The following AUTS2 variants were observed in gnomAD, a reference collection of about 807,000 sequenced individuals.
The protein encoded by AUTS2 is activator of transcription and developmental regulator AUTS2, also known as autism susceptibility gene 2 protein.
Under a neutral mutation model 112.4 loss-of-function variants are expected in AUTS2, and 17 were observed. The ratio of observed to expected loss-of-function variants is 0.15; its 90% CI spans 0.10 to 0.23. AUTS2 has a LOEUF of 0.23. Ranked by LOEUF, AUTS2 falls within the 10% of genes least tolerant of loss-of-function variation. The pLI, the probability that AUTS2 is intolerant of heterozygous loss-of-function variation, is 1.00. For missense variants in AUTS2, 1,510 were observed against 1,701.6 expected, an observed-to-expected ratio of 0.89 and a Z score of 1.98; for synonymous variants, 751 against 702.7, an observed-to-expected ratio of 1.07 and a Z score of -1.09.
intron 2 of AUTS2, among the ~76,000 whole-genome samples, chr7:70,007,494 G>A (rs1799598123): frequency 6.6e-6 from 1 of 152,056 alleles, no homozygotes; most frequent in Admixed American, 6.6e-5. Flanking sequence ...GAATGGATCT[G>A]GTGGTAGTAG....
At chr7:70,518,168 C>T (rs1163765762) in intron 5 of AUTS2, among the ~76,000 whole-genome samples, 2 of 152,178 alleles carry the variant, frequency 1.3e-5, no homozygotes, top group Non-Finnish European at 1.5e-5. Context: ...CATTCTTATG[C>T]TGAAAGCTAG....
chr7:69,782,558 CT>C (rs1789188330), intron 1 of AUTS2, among the ~76,000 whole-genome samples: 1 of 151,762 alleles, frequency 6.6e-6, no homozygotes, highest in South Asian at 2.1e-4. Flanking sequence ...TCCCAGAGAC[CT>C]TTTTCCCAGC....
At chr7:70,629,630 CT>C (rs1280953461) in intron 5 of AUTS2, among the ~76,000 whole-genome samples, 1 of 152,032 alleles carries the variant, frequency 6.6e-6, no homozygotes, top group Non-Finnish European at 1.5e-5. Context: ...CAGCTGGTGA[CT>C]GACGGAGCCC....
At chr7:70,184,666 G>A (rs539080478) in intron 4 of AUTS2, among the ~76,000 whole-genome samples, 94 of 152,132 alleles carry the variant, frequency 6.2e-4, no homozygotes, top group Non-Finnish European at 9.3e-4. Context: ...GGCTTCTTCA[G>A]CTCTCTCTTT....
chr7:70,431,620 A>G (rs1418474017), intron 4 of AUTS2, among the ~76,000 whole-genome samples: 1 of 152,028 alleles, frequency 6.6e-6, no homozygotes, highest in Non-Finnish European at 1.5e-5. Flanking sequence ...TCCTGACCTC[A>G]TGATCCACCC....
At chr7:70,049,177 T>C (rs908465246) in intron 2 of AUTS2, among the ~76,000 whole-genome samples, 11 of 152,206 alleles carry the variant, frequency 7.2e-5, no homozygotes, top group African/African-American at 2.2e-4. Flanking sequence ...GTTGGACTTA[T>C]AGGCTGACTT....
At chr7:70,438,387 T>G (rs1297007300) in intron 5 of AUTS2, among the ~76,000 whole-genome samples, 3 of 152,168 alleles carry the variant, frequency 2.0e-5, no homozygotes, top group Non-Finnish European at 4.4e-5. Flanking sequence ...CTCAGATTCA[T>G]GGCGCACCTC....
At chr7:70,660,678 C>G (rs776115472) in intron 5 of AUTS2, among the ~76,000 whole-genome samples, 1 of 152,194 alleles carries the variant, frequency 6.6e-6, no homozygotes, top group Non-Finnish European at 1.5e-5. Flanking sequence ...ACATTATGTG[C>G]ATCCTGTCGT....
intron 1 of AUTS2, among the ~76,000 whole-genome samples, chr7:69,794,690 G>T (rs970274946): frequency 6.6e-6 from 1 of 151,800 alleles, no homozygotes; most frequent in Admixed American, 6.6e-5. Context: ...ACCAATAAAG[G>T]TAAAGCCACT....
At chr7:69,935,177 A>AT (rs1403769725) in intron 2 of AUTS2, among the ~76,000 whole-genome samples, 25 of 128,412 alleles carry the variant, frequency 1.9e-4, no homozygotes, top group African/African-American at 6.5e-4. Context: ...GACTCTGGGA[A>AT]AAAAGGACGG....
intron 4 of AUTS2, among the ~76,000 whole-genome samples, chr7:70,358,346 T>C (rs1183429955): frequency 6.6e-6 from 1 of 152,230 alleles, no homozygotes; most frequent in Non-Finnish European, 1.5e-5. Flanking sequence ...CGCCTAACAT[T>C]TGCAAGGCAA....
chr7:69,758,260 A>G (rs1788025090), intron 1 of AUTS2, among the ~76,000 whole-genome samples: 1 of 152,208 alleles, frequency 6.6e-6, no homozygotes, highest in African/African-American at 2.4e-5. Context: ...CATATACACA[A>G]GGTTGACCTC....
At chr7:70,763,564 A>G (rs1445404318) in intron 7 of AUTS2, among the ~76,000 whole-genome samples, 1 of 152,074 alleles carries the variant, frequency 6.6e-6, no homozygotes, top group Non-Finnish European at 1.5e-5. Flanking sequence ...GTAAAGAAGT[A>G]AAATATTTAT....
rs10684331 is a variant in AUTS2, at chr7:69,729,994, A to ATTTTTTTTTTT, written c.309+130047_309+130057dup. On this transcript the variant is annotated intron_variant, in intron 1 of 18. Coordinates refer to ENST00000342771, the MANE Select transcript of AUTS2 (RefSeq NM_015570.4). Reference sequence around the variant, plus strand: ...GTTTTTTTTTGTTGTTGTTGTTTTAATTTTTTTTTTTTTTTTTTTTTTTTT... The same window carrying ATTTTTTTTTTT: ...GTTTTTTTTTGTTGTTGTTGTTTTAATTTTTTTTTTTTTTTTTTTTTTTTTTTTTTTTTTTT... 1.5e-3 allele frequency among the ~76,000 whole-genome samples: 84 copies of ATTTTTTTTTTT among 56,752 alleles called. 2 individuals are homozygous for ATTTTTTTTTTT. The highest frequency in any genetic ancestry group is 4.1e-3 in the African/African-American group (49 of 11,878). 37.2% of individuals were successfully genotyped at this position (56,752 alleles called of 152,430 possible). A position where few individuals can be genotyped will look rare whatever the true frequency, so the allele number is the denominator to read the frequency against.
intron 2 of AUTS2, among the ~76,000 whole-genome samples, chr7:70,024,277 T>C (rs1486396914): frequency 1.3e-5 from 2 of 152,226 alleles, no homozygotes; most frequent in African/African-American, 4.8e-5. Flanking sequence ...GCAATATGCT[T>C]TCAAACAAGC....
intron 2 of AUTS2, among the ~76,000 whole-genome samples, chr7:69,965,139 G>C (rs980937717): frequency 1.3e-5 from 2 of 152,100 alleles, no homozygotes; most frequent in Non-Finnish European, 2.9e-5. Context: ...TTGCCCATCA[G>C]TGCATTTACC....
chr7:70,264,053 G>A (rs1466804658), intron 4 of AUTS2, among the ~76,000 whole-genome samples: 1 of 152,148 alleles, frequency 6.6e-6, no homozygotes, highest in East Asian at 1.9e-4. Context: ...CTAGTAATTT[G>A]ATCCAATTGG....
chr7:69,985,438 C>T (rs1487385864), intron 2 of AUTS2, among the ~76,000 whole-genome samples: 2 of 152,206 alleles, frequency 1.3e-5, no homozygotes, highest in East Asian at 1.9e-4. Flanking sequence ...TCTTTTCATT[C>T]TCTATATTTC....
intron 5 of AUTS2, among the ~76,000 whole-genome samples, chr7:70,438,725 C>T (rs1274010213): frequency 2.6e-5 from 4 of 152,176 alleles, no homozygotes; most frequent in African/African-American, 9.7e-5. Context: ...TTGCCTGTGC[C>T]CCCCTCGAAG....
Sources: allele counts gnomAD v4.1 joint callset (sites outside exome capture counted in the v4.1 genomes callset), GRCh38; gene constraint gnomAD v4.1.1; transcripts MANE v1.5; gene names NCBI Gene and HGNC (gene_info 2026-07-23, HGNC 2026-07-21).